Variants in PUM2 observed in about 807,000 individuals in gnomAD.
PUM2 encodes pumilio homolog 2.
Under a neutral mutation model 124.5 loss-of-function variants are expected in PUM2, and 57 were observed. The observed-to-expected ratio is 0.46, with a 90% CI of 0.37 to 0.57. The LOEUF (loss-of-function observed/expected upper bound fraction) is 0.57. Ranked by LOEUF, PUM2 falls within the 20% of genes least tolerant of loss-of-function variation. The pLI is 0.00. For missense variants in PUM2, 1,065 were observed against 1,290.6 expected (o/e 0.83, Z 2.68); for synonymous variants, 460 against 446.1 (o/e 1.03, Z -0.39).
intron 13 of PUM2, among the ~76,000 whole-genome samples, chr2:20,264,053 A>G (rs1433410053): frequency 6.6e-6 from 1 of 151,930 alleles, no homozygotes; most frequent in African/African-American, 2.4e-5. Context: ...AATATTTGAC[A>G]TAAGGTTGGG....
At chr2:20,341,055 T>C (rs1031056786) in intron 1 of PUM2, among the ~76,000 whole-genome samples, 12 of 152,348 alleles carry the variant, frequency 7.9e-5, no homozygotes, top group Non-Finnish European at 1.3e-4. Flanking sequence ...CAGTGGCTCA[T>C]GCCTATAATC....
At chr2:20,258,441 T>C in intron 15 of PUM2, 70 bp from the exon 16 acceptor site, 1 of 1,496,890 alleles carries the variant, frequency 6.7e-7, no homozygotes, top group Non-Finnish European at 9.2e-7. Context: ...AGTAAGGCAG[T>C]GTTTGCAGTC....
chr2:20,338,837 T>C lies in PUM2; in HGVS notation c.-18-11459A>G, dbSNP rs145954363. On this transcript the variant is annotated intron_variant, in intron 1 of 20. Coordinates refer to ENST00000361078, the MANE Select transcript of PUM2 (RefSeq NM_015317.5). Reference sequence around the variant, plus strand: ...GTTTTGTAAAAACAGGATGCAAGCATAAGTCACACTTAACCATTAATAGTG... The same window carrying C: ...GTTTTGTAAAAACAGGATGCAAGCACAAGTCACACTTAACCATTAATAGTG... 5.9e-5 allele frequency among the ~76,000 whole-genome samples: 9 copies of C among 152,354 alleles called. No homozygotes were observed. The East Asian group carries it at 1.7e-3, about 29-fold the overall frequency.
intron 1 of PUM2, among the ~76,000 whole-genome samples, chr2:20,328,209 G>T (rs960556827): frequency 6.6e-6 from 1 of 152,122 alleles, no homozygotes; most frequent in Non-Finnish European, 1.5e-5. Context: ...GGTGGCACGC[G>T]TTTGTAGTCC....
chr2:20,301,943 A>G lies in PUM2; in HGVS notation c.884-4265T>C, dbSNP rs550156072. 9.3e-4 allele frequency among the ~76,000 whole-genome samples: 141 copies of G among 152,356 alleles called. 2 individuals carry two copies. The highest frequency in any genetic ancestry group is 3.3e-3 in the African/African-American group (136 of 41,584). On this transcript the variant is annotated intron_variant, in intron 7 of 20. Transcript: ENST00000361078. ...GTATAGAAGGAACATGATATAATCA[A>G]TCTACTACTTTTATATATTTAGATG...
chr2:20,319,393 G>C (rs1681767041), intron 2 of PUM2, among the ~76,000 whole-genome samples: 1 of 152,208 alleles, frequency 6.6e-6, no homozygotes, highest in Non-Finnish European at 1.5e-5. Flanking sequence ...TTTCTGAGAA[G>C]TGAACTTAGC....
chr2:20,264,421 AAAC>A (rs1558498941), intron 13 of PUM2, among the ~76,000 whole-genome samples: 1 of 136,734 alleles, frequency 7.3e-6, no homozygotes, highest in Non-Finnish European at 1.5e-5. Flanking sequence ...ACTATTTCAC[AAAC>A]AATAGTATTA....
At chr2:20,291,715 T>C (rs1309807675) in intron 9 of PUM2, among the ~76,000 whole-genome samples, 1 of 152,184 alleles carries the variant, frequency 6.6e-6, no homozygotes, top group Non-Finnish European at 1.5e-5. Context: ...AACTGCTGTA[T>C]CCTTACATCC....
intron 13 of PUM2, among the ~76,000 whole-genome samples, chr2:20,270,138 T>A (rs917999139): frequency 6.6e-6 from 1 of 152,106 alleles, no homozygotes; most frequent in Non-Finnish European, 1.5e-5. Context: ...AAAAGAGTAG[T>A]AGTAGTAGGA....
chr2:20,288,831 G>T (rs1673326565), intron 10 of PUM2, among the ~76,000 whole-genome samples: 1 of 152,088 alleles, frequency 6.6e-6, no homozygotes, highest in African/African-American at 2.4e-5. Context: ...AGTAAAGAAG[G>T]CATCAAAGAA....
chr2:20,291,538 A>G (rs1188632978), intron 9 of PUM2, among the ~76,000 whole-genome samples: 1 of 152,202 alleles, frequency 6.6e-6, no homozygotes, highest in Non-Finnish European at 1.5e-5. Flanking sequence ...CGTCACCCTT[A>G]GTCAGAACTC....
intron 7 of PUM2, among the ~76,000 whole-genome samples, chr2:20,299,677 TA>T (rs1443001555): frequency 2.6e-5 from 4 of 152,056 alleles, no homozygotes; most frequent in African/African-American, 9.6e-5. Context: ...CCTAAATAAA[TA>T]ACAACAACAT....
At chr2:20,300,852 A>T (rs80158679) in intron 7 of PUM2, among the ~76,000 whole-genome samples, 2,203 of 152,098 alleles carry the variant, frequency 0.014, 66 homozygotes, top group African/African-American at 0.049. Context: ...TTCCTTATGG[A>T]CAAAGGACAG....
intron 12 of PUM2, among the ~76,000 whole-genome samples, chr2:20,281,605 T>C (rs141353197): frequency 1.4e-3 from 219 of 152,334 alleles, no homozygotes; most frequent in African/African-American, 4.9e-3. Flanking sequence ...AATGTCCCAA[T>C]TGTGTTAGAA....
chr2:20,259,470 CT>C (rs1372757992), intron 15 of PUM2, among the ~76,000 whole-genome samples: 7 of 152,186 alleles, frequency 4.6e-5, no homozygotes, highest in African/African-American at 1.2e-4. Context: ...CCAGTAACCC[CT>C]AATCTACTTT....
chr2:20,351,088 G>A (rs1573078393), upstream of PUM2, among the ~76,000 whole-genome samples: 1 of 152,312 alleles, frequency 6.6e-6, no homozygotes, highest in Admixed American at 6.5e-5. Context: ...GCCGCGGCGG[G>A]CTCGGAGAGC....
At chr2:20,350,275 G>A (rs536231113) in intron 1 of PUM2, 1 of 183,952 alleles carries the variant, frequency 5.4e-6, no homozygotes, top group African/African-American at 2.4e-5. Context: ...CCGACAGCTC[G>A]GTCTCTAACC....
chr2:20,283,292 G>T (rs376689988), intron 11 of PUM2, 51 bp downstream of exon 11: 5 of 1,606,314 alleles, frequency 3.1e-6, no homozygotes, highest in Non-Finnish European at 4.3e-6. Context: ...TTTTAAAAAT[G>T]GTATCTCAAC....
intron 13 of PUM2, among the ~76,000 whole-genome samples, chr2:20,274,713 C>T (rs1300208221): frequency 6.6e-6 from 1 of 151,548 alleles, no homozygotes; most frequent in Non-Finnish European, 1.5e-5. Flanking sequence ...GGCAAGAAGC[C>T]GTTAGTTTGT....
Sources: gnomAD v4.1 joint callset for allele counts (sites outside exome capture counted in the v4.1 genomes callset) on GRCh38, gnomAD v4.1.1 for gene constraint, MANE v1.5 for transcripts, NCBI Gene and HGNC (gene_info 2026-07-23, HGNC 2026-07-21) for gene names.